Variants in ATXN2L observed in about 807,000 individuals in gnomAD.
The protein encoded by ATXN2L is ataxin-2-like protein.
In ATXN2L, 24 loss-of-function variants were observed where a neutral mutation model predicts 120.7. The observed-to-expected ratio is 0.20, with a 90% CI of 0.14 to 0.28. The LOEUF (loss-of-function observed/expected upper bound fraction) is 0.28, where lower values mean the gene tolerates loss of function less well. Ranked by LOEUF, ATXN2L falls within the 10% of genes least tolerant of loss-of-function variation. The probability of loss-of-function intolerance (pLI) is 1.00; values close to 1 mark genes in which losing one functional copy is unlikely to be tolerated. For missense variants in ATXN2L, 1,312 were observed against 1,432.3 expected (o/e 0.92, Z 1.36); for synonymous variants, 653 against 568.1 (o/e 1.15, Z -2.13).
Position 28,836,705 on chromosome 16 carries a change from T to C in ATXN2L, c.*440T>C. ...TGCTTGGGTTCTAATGCTCCTGCTC[T>C]CTTCTCTTTCCCCTCCAACCAGTTC... On this transcript the variant is annotated 3_prime_UTR_variant, in exon 22 of 22. Coordinates refer to ENST00000336783, the MANE Select transcript of ATXN2L (RefSeq NM_007245.4). 1 of 1,613,784 alleles carries C rather than the reference T, an allele frequency of 6.2e-7. No individual in the cohort carries two copies. Among genetic ancestry groups the C allele is most frequent in the Non-Finnish European group, 8.5e-7 (1 of 1,179,946 alleles).
chr16:28,836,289 C>A lies in ATXN2L; in HGVS notation c.*24C>A, dbSNP rs1960708881. ...GAGGGGTCTTGGAGGCAGGGCTGTC[C>A]CACAGGGCGCCCGCCGACCTGCACC... On this transcript the variant is annotated 3_prime_UTR_variant, in exon 22 of 22. Coordinates refer to ENST00000336783, the MANE Select transcript of ATXN2L (RefSeq NM_007245.4). 1 of 1,609,212 alleles carries A rather than the reference C, an allele frequency of 6.2e-7. No homozygotes were observed. The highest frequency in any genetic ancestry group is 1.1e-5 in the South Asian group (1 of 90,564).
rs967112465 is a variant in ATXN2L at position 28,832,346 on chromosome 16, G to A, written c.1463G>A (p.Gly488Glu). 5.6e-6 allele frequency: 9 copies of A among 1,614,056 alleles called. No individual in the cohort carries two copies. The highest frequency in any genetic ancestry group is 6.8e-6 in the Non-Finnish European group (8 of 1,180,052). ...IPVTSSVSDP[G>E]VGSISPASPK... ...GTGACCTCATCAGTCTCAGATCCTG[G>A]AGTGGGCTCCATTTCTCCAGCTTCT... The change falls in exon 11 of 22, where the codon GGA becomes GAA. Residue 488 changes from glycine to glutamate, a missense_variant. Coordinates refer to ENST00000336783, the MANE Select transcript of ATXN2L (RefSeq NM_007245.4).
intron 11 of ATXN2L, 33 bp downstream of exon 11, chr16:28,832,432 A>C: frequency 6.2e-7 from 1 of 1,612,122 alleles, no homozygotes; most frequent in Non-Finnish European, 8.5e-7. Flanking sequence ...CTGTGAATGC[A>C]TATTTAGTGT....
intron 10 of ATXN2L, 123 bp from the exon 11 acceptor site, chr16:28,832,082 G>C (rs2054692053): frequency 9.6e-7 from 1 of 1,040,434 alleles, no homozygotes; most frequent in Non-Finnish European, 1.4e-6. Context: ...TGAGCTTCTA[G>C]ACATTTAAGT....
Position 28,836,039 on chromosome 16 carries a change from C to T in ATXN2L, c.3002C>T (p.Pro1001Leu). 1 of 1,596,878 alleles carries T rather than the reference C, an allele frequency of 6.3e-7. No individual in the cohort carries two copies. The highest frequency in any genetic ancestry group is 1.7e-5 in the Admixed American group (1 of 57,800). The change falls in exon 22 of 22, where the codon CCC (proline) becomes CTC (leucine). Residue 1001 changes from proline to leucine, a missense_variant. By Grantham distance (98) the Pro-to-Leu change is moderately conservative. Transcript: ENST00000336783. ...LHPPQSHGGP[P>L]QGAVPQSGVP... ...CCACCCCAGAGTCATGGGGGGCCCC[C>T]CCAAGGCGCGGTGCCCCAGAGTGGG...
chr16:28,832,701 T>C, intron 12 of ATXN2L, 116 bp from the exon 13 acceptor site: 1 of 1,408,444 alleles, frequency 7.1e-7, no homozygotes, highest in Non-Finnish European at 9.9e-7. Flanking sequence ...ACTTCTGTGA[T>C]CCTCAAGAGT....
Position 28,823,306 on chromosome 16 carries a change from CG to C in ATXN2L, c.48del (p.Thr19ArgfsTer119). The C allele has an allele frequency of 6.7e-7, 1 of 1,492,772 alleles. No individual in the cohort carries two copies. The highest frequency in any genetic ancestry group is 1.3e-5 in the South Asian group (1 of 77,940). 92.5% of individuals were successfully genotyped at this position (1,492,772 alleles called of 1,614,324 possible). On this transcript the variant is annotated frameshift_variant, in exon 1 of 22. Coordinates refer to ENST00000336783, the MANE Select transcript of ATXN2L (RefSeq NM_007245.4). LOFTEE classifies it high-confidence loss of function. ...CAACAGCCCTCCCAGCCCCAGCAGCCGCCCCCCACGCAACAGGCCGTGGCCC... is the reference window on the plus strand; with the variant it reads ...CAACAGCCCTCCCAGCCCCAGCAGCCCCCCCCACGCAACAGGCCGTGGCCC... The part of the protein sequence containing the change: ...PLQQPSQPQQ[P>X]PPTQQAVARR...
At position 28,824,462 on chromosome 16, in the gene ATXN2L, C is replaced by T. The variant is rs774433379; in HGVS notation, c.299+904C>T. On this transcript the variant is annotated intron_variant, in intron 1 of 21. Coordinates refer to ENST00000336783, the MANE Select transcript of ATXN2L (RefSeq NM_007245.4). Reference sequence around the variant, plus strand: ...CTGCGCTGTCCCCCAGCCCCGCCAGCGGCCCCCTCTTCGCCCTCAACCGCC... The same window carrying T: ...CTGCGCTGTCCCCCAGCCCCGCCAGTGGCCCCCTCTTCGCCCTCAACCGCC... 4 of 1,287,556 alleles carry T rather than the reference C, an allele frequency of 3.1e-6. No individual in the cohort carries two copies. The South Asian group carries it at 3.7e-5, about 12-fold the overall frequency. 79.8% of individuals were successfully genotyped at this position (1,287,556 alleles called of 1,614,324 possible). A position where few individuals can be genotyped will look rare whatever the true frequency, so the allele number is the denominator to read the frequency against.
At chr16:28,826,210 C>A (rs536824264) in intron 4 of ATXN2L, 30 bp from the exon 5 acceptor site, 3 of 1,610,920 alleles carry the variant, frequency 1.9e-6, no homozygotes, top group Admixed American at 3.3e-5. Context: ...TGAAACTGAC[C>A]CATGGGTGTG....
At chr16:28,832,718 T>G in intron 12 of ATXN2L, 99 bp from the exon 13 acceptor site, 2 of 1,443,004 alleles carry the variant, frequency 1.4e-6, no homozygotes, top group Non-Finnish European at 1.9e-6. Flanking sequence ...GAGTTTCTCT[T>G]TTTTCTTTGC....
At chr16:28,829,269 C>T (rs567143400) in intron 6 of ATXN2L, 132 bp from the exon 7 acceptor site, 2 of 672,378 alleles carry the variant, frequency 3.0e-6, no homozygotes, top group Non-Finnish European at 5.4e-6. Flanking sequence ...TCCCAAAGTA[C>T]TGGGATTACA....
Position 28,835,039 on chromosome 16 carries a change from C to T in ATXN2L, c.2434-19C>T. ...CCAGCTGGCGGCTGTGCCAACCACTCCTCTCTCTGTCCCGCCAGCCGGTGT... is the reference window on the plus strand; with the variant it reads ...CCAGCTGGCGGCTGTGCCAACCACTTCTCTCTCTGTCCCGCCAGCCGGTGT... On this transcript the variant is annotated intron_variant, in intron 18 of 21. Transcript: ENST00000336783. The T allele has an allele frequency of 6.2e-6, 10 of 1,602,482 alleles. No individual in the cohort carries two copies. The highest frequency in any genetic ancestry group is 8.5e-6 in the Non-Finnish European group (10 of 1,174,004).
At position 28,835,965 on chromosome 16, in the gene ATXN2L, G is replaced by T. The variant is rs148341202; in HGVS notation, c.2928G>T (p.Pro976=). ...AHVQTGITAA[P]PPHPGAPHPP... is the part of the protein sequence containing the mutation. ...TCCAAACTGGAATCACAGCAGCCCC[G>T]CCCCCTCACCCTGGGGCTCCCCACC... Residue 976 remains proline (P), a synonymous_variant, in exon 22 of 22, where the codon CCG becomes CCT. Coordinates refer to ENST00000336783, the MANE Select transcript of ATXN2L (RefSeq NM_007245.4). 5.8e-6 allele frequency: 9 copies of T among 1,540,778 alleles called. No individual in the cohort carries two copies. The East Asian group carries it at 2.0e-4, about 35-fold the overall frequency.
chr16:28,829,316 C>T, intron 6 of ATXN2L, 85 bp from the exon 7 acceptor site: 2 of 936,176 alleles, frequency 2.1e-6, no homozygotes, highest in Non-Finnish European at 3.5e-6. Flanking sequence ...TTGTTCACAT[C>T]TTGGAGTTTT....
At chr16:28,828,991 A>C (rs2053338063) in intron 6 of ATXN2L, among the ~76,000 whole-genome samples, 1 of 152,150 alleles carries the variant, frequency 6.6e-6, no homozygotes, top group Non-Finnish European at 1.5e-5. Flanking sequence ...CCCACCTCCC[A>C]AAGTGCTGGG....
chr16:28,829,996 G>A lies in ATXN2L; in HGVS notation c.972G>A (p.Glu324=). 1 of 1,614,226 alleles carries A rather than the reference G, an allele frequency of 6.2e-7. No homozygotes were observed. The part of the protein sequence containing the change: ...AMENDDGRTE[E]EKHSAVQRQG... ...AGAACGACGATGGGCGCACTGAAGA[G>A]GAGAAGCACAGTGCAGTCCAGCGGC... is the stretch of plus-strand genomic sequence containing the variant. The change falls in exon 8 of 22, where the codon GAG becomes GAA. Residue 324 remains glutamate, a synonymous_variant. Coordinates refer to ENST00000336783, the MANE Select transcript of ATXN2L (RefSeq NM_007245.4).
In ATXN2L at chr16:28,832,490, G is replaced by A; in HGVS notation, c.1517-6G>A. 1.2e-6 allele frequency: 2 copies of A among 1,613,814 alleles called. No individual in the cohort carries two copies. The highest frequency in any genetic ancestry group is 1.7e-6 in the Non-Finnish European group (2 of 1,179,712). On this transcript the variant is annotated splice_region_variant and splice_polypyrimidine_tract_variant and intron_variant, in intron 11 of 21. Transcript: ENST00000336783. ...GACCTTTAGGCATTTCTCTTTACTTGAACAGTAAAAGAACTCTCTACCAAG... is the reference window on the plus strand; with the variant it reads ...GACCTTTAGGCATTTCTCTTTACTTAAACAGTAAAAGAACTCTCTACCAAG...
At chr16:28,832,756 G>A in intron 12 of ATXN2L, 61 bp from the exon 13 acceptor site, 4 of 1,563,054 alleles carry the variant, frequency 2.6e-6, no homozygotes, top group South Asian at 1.1e-5. Context: ...TTTTGGCACT[G>A]TGTAGCCACC....
chr16:28,836,689 TC>T lies in ATXN2L; in HGVS notation c.*425del. ...TGGAGGAAGGGACAGCTGCTTGGGT[TC>T]TAATGCTCCTGCTCTCTTCTCTTTC... is the stretch of plus-strand genomic sequence containing the variant. On this transcript the variant is annotated 3_prime_UTR_variant, in exon 22 of 22. Coordinates refer to ENST00000336783, the MANE Select transcript of ATXN2L (RefSeq NM_007245.4). 6.2e-7 allele frequency: 1 copy of T among 1,613,612 alleles called. No homozygotes were observed. The highest frequency in any genetic ancestry group is 8.5e-7 in the Non-Finnish European group (1 of 1,179,942).
Sources: gnomAD v4.1 joint callset for allele counts (sites outside exome capture counted in the v4.1 genomes callset) on GRCh38, gnomAD v4.1.1 for gene constraint, MANE v1.5 for transcripts, NCBI Gene and HGNC (gene_info 2026-07-23, HGNC 2026-07-21) for gene names.